The following ATRIP variants were observed in gnomAD, a reference collection of about 807,000 sequenced individuals.
ATRIP encodes the protein ATR-interacting protein.
ATRIP carries 44 observed loss-of-function variants against 78.1 expected under a neutral mutation model. That is an observed-to-expected ratio of 0.56 (90% CI 0.44 to 0.72). ATRIP has a LOEUF of 0.72. Ranked by LOEUF, ATRIP falls within the 30% of genes least tolerant of loss-of-function variation. The pLI is 0.00. For synonymous variants in ATRIP, 388 were observed against 408.9 expected (o/e 0.95, Z 0.62); for missense variants, 927 against 980.2 (o/e 0.95, Z 0.72).
At chr3:48,464,478 C>G in intron 10 of ATRIP, 104 bp from the exon 11 acceptor site, 1 of 1,283,502 alleles carries the variant, frequency 7.8e-7, no homozygotes, top group Non-Finnish European at 1.1e-6. Flanking sequence ...TTTGTGCAGA[C>G]AAACAGTTGC....
At position 48,460,396 on chromosome 3, in the gene ATRIP, G is replaced by T; in HGVS notation, c.1342G>T (p.Asp448Tyr). 6.2e-7 allele frequency: 1 copy of T among 1,613,556 alleles called. No homozygotes were observed. The highest frequency in any genetic ancestry group is 1.7e-4 in the Middle Eastern group (1 of 6,058). The change falls in exon 8 of 13, where the codon GAC becomes TAC. Residue 448 changes from aspartate to tyrosine, a missense_variant. Physicochemically the swap from Asp to Tyr is radical, Grantham distance 160. Coordinates refer to ENST00000320211, the MANE Select transcript of ATRIP (RefSeq NM_130384.3). ...AAAKRSGAPG[D>Y]SPTHSSCVSS... Reference sequence around the variant, plus strand: ...TGCTAAGAGAAGCGGAGCACCTGGGGACTCACCGACACATTCCTCCTGCGT... The same window carrying T: ...TGCTAAGAGAAGCGGAGCACCTGGGTACTCACCGACACATTCCTCCTGCGT...
chr3:48,465,152 T>C (rs2040242801), intron 12 of ATRIP, 69 bp downstream of exon 12: 9 of 1,553,040 alleles, frequency 5.8e-6, no homozygotes, highest in African/African-American at 1.4e-5. Context: ...ACAAGTCAGA[T>C]TCCTGGGTGT....
intron 3 of ATRIP, among the ~76,000 whole-genome samples, chr3:48,452,205 C>G (rs2107199438): frequency 6.6e-6 from 1 of 152,284 alleles, no homozygotes. Flanking sequence ...CTGGCTTAGG[C>G]TAAAAGGAAA....
Position 48,464,847 on chromosome 3 carries a change from CGG to C in ATRIP, c.2073_2074del (p.Val692AspfsTer57). On this transcript the variant is annotated frameshift_variant, in exon 12 of 13. Transcript: ENST00000320211. LOFTEE classifies it high-confidence loss of function. ...CTCTCTCAGGTGGTCAGAGCGCTCA[CGG>C]TGATGTTGCACAGACAGTGGCTGAC... 6 of 1,612,074 alleles carry C rather than the reference CGG, an allele frequency of 3.7e-6. No homozygotes were observed. Among genetic ancestry groups the C allele is most frequent in the Non-Finnish European group, 5.1e-6 (6 of 1,178,540 alleles).
chr3:48,454,932 G>A lies in ATRIP; in HGVS notation c.671+514G>A, dbSNP rs976419289. On this transcript the variant is annotated intron_variant, in intron 4 of 12. Coordinates refer to ENST00000320211, the MANE Select transcript of ATRIP (RefSeq NM_130384.3). ...GGCTGGAGTACAGTGGTACAATCTCGGCTCACTGCAACCTCCGCCTCCTGG... is the reference window on the plus strand; with the variant it reads ...GGCTGGAGTACAGTGGTACAATCTCAGCTCACTGCAACCTCCGCCTCCTGG... 4.0e-5 allele frequency among the ~76,000 whole-genome samples: 6 copies of A among 150,030 alleles called. No homozygotes were observed. In the Admixed American group the frequency reaches 4.0e-4, roughly 10 times the overall value.
rs374761739 is a variant in ATRIP, at chr3:48,464,927, C to T, written c.2152C>T (p.Arg718Cys). 9.3e-6 allele frequency: 15 copies of T among 1,614,036 alleles called. No homozygotes were observed. In the African/African-American group the frequency reaches 9.3e-5, roughly 10 times the overall value. Residue 718 changes from arginine to cysteine, a missense_variant, in exon 12 of 13, where the codon CGC becomes TGC. Physicochemically the swap from Arg to Cys is radical, Grantham distance 180. Transcript: ENST00000320211. ...GACCGACCAGCAGAGGCGGACAGTG[C>T]GCTGTCTGCGGGACACGGTGCTGCT... ...PRTDQQRRTV[R>C]CLRDTVLLLH...
chr3:48,463,805 C>T lies in ATRIP; in HGVS notation c.1806C>T (p.Ser602=), dbSNP rs769874343. Residue 602 remains serine (S), a synonymous_variant, in exon 9 of 13, where the codon AGC becomes AGT. Transcript: ENST00000320211. ...KCLSPETPLP[S]VLLAVELLSL... ...TCAGCCCAGAGACACCCCTGCCTAG[C>T]GTGCTGCTGGCTGTTGAGCTCCTCT... is the stretch of plus-strand genomic sequence containing the variant. 2.4e-5 allele frequency: 39 copies of T among 1,614,032 alleles called. No homozygotes were observed. The highest frequency in any genetic ancestry group is 3.3e-4 in the Middle Eastern group (2 of 6,084).
chr3:48,467,529 G>A lies in ATRIP; in HGVS notation c.*1975G>A, dbSNP rs1229622478. The A allele has an allele frequency of 6.2e-7, 1 of 1,613,672 alleles. No homozygotes were observed. ...CAGGGAGGGGCTGCTGGCCCCACTG[G>A]GTCTGCTGGCCATCCTGACCTTGGC... On this transcript the variant is annotated 3_prime_UTR_variant, in exon 13 of 13. Transcript: ENST00000320211.
rs1220526819 is a variant in ATRIP, at chr3:48,466,146, T to G, written c.*592T>G. 1 of 446,374 alleles carries G rather than the reference T, an allele frequency of 2.2e-6. No homozygotes were observed. The highest frequency in any genetic ancestry group is 2.0e-5 in the African/African-American group (1 of 50,090). The allele number at this position is 446,374 out of a possible 1,614,324, so 27.7% of individuals were successfully genotyped here. Reference sequence around the variant, plus strand: ...AGTGGGTGTGGGGGGGAACGGATGGTGGTGAGAGGGACAGACCAGGCAGGC... The same window carrying G: ...AGTGGGTGTGGGGGGGAACGGATGGGGGTGAGAGGGACAGACCAGGCAGGC... On this transcript the variant is annotated 3_prime_UTR_variant, in exon 13 of 13. Transcript: ENST00000320211.
In ATRIP at chr3:48,465,986, C is replaced by T. The variant is rs1283211085; in HGVS notation, c.*432C>T. ...AGGGGCTCCCAGCAGTGTGTAAGAC[C>T]GGGAGCTGGTCTGGCACCACTGCCC... On this transcript the variant is annotated 3_prime_UTR_variant, in exon 13 of 13. Coordinates refer to ENST00000320211, the MANE Select transcript of ATRIP (RefSeq NM_130384.3). 3.4e-5 allele frequency: 10 copies of T among 297,242 alleles called. No individual in the cohort carries two copies. Among genetic ancestry groups the T allele is most frequent in the South Asian group, 9.8e-5 (3 of 30,690 alleles). 18.4% of individuals were successfully genotyped at this position (297,242 alleles called of 1,614,324 possible).
At chr3:48,453,070 G>A (rs2039873482) in intron 3 of ATRIP, among the ~76,000 whole-genome samples, 1 of 151,962 alleles carries the variant, frequency 6.6e-6, no homozygotes. Flanking sequence ...TTTTGGTACA[G>A]ACAGGGTTTT....
chr3:48,451,863 A>G lies in ATRIP; in HGVS notation c.516A>G (p.Gln172=). The change falls in exon 3 of 13, where the codon CAA becomes CAG. Residue 172 remains glutamine (Q), a synonymous_variant. Transcript: ENST00000320211. The stretch of plus-strand genomic sequence containing the variant: ...TTCTTCTTGAGCAAGAGAAAACCCA[A>G]GCACTCAGTGACAAGGAAAAGGAAT... ...SHFLLEQEKT[Q]ALSDKEKEFS... The G allele has an allele frequency of 6.2e-7, 1 of 1,610,932 alleles. No individual in the cohort carries two copies. Among genetic ancestry groups the G allele is most frequent in the African/African-American group, 1.3e-5 (1 of 74,978 alleles).
rs544884737 is a variant in ATRIP, at chr3:48,465,841, G to C, written c.*287G>C. 2.9e-5 allele frequency: 11 copies of C among 376,308 alleles called. No individual in the cohort carries two copies. Among genetic ancestry groups the C allele is most frequent in the South Asian group, 2.8e-4 (11 of 38,878 alleles). The allele number at this position is 376,308 out of a possible 1,614,324, so 23.3% of individuals were successfully genotyped here. A position where few individuals can be genotyped will look rare whatever the true frequency, so the allele number is the denominator to read the frequency against. ...TGGAATTGTCCTGAGTCATTGCTTT[G>C]GGCTGGGGCCATGGGAAGAAACCAT... On this transcript the variant is annotated 3_prime_UTR_variant, in exon 13 of 13. Transcript: ENST00000320211.
chr3:48,450,569 G>C (rs2039808943), intron 2 of ATRIP: 1 of 1,262,862 alleles, frequency 7.9e-7, no homozygotes, highest in Non-Finnish European at 1.0e-6. Context: ...AATTTTAGTT[G>C]TGCAAGGTAT....
Position 48,467,217 on chromosome 3 carries a change from G to A in ATRIP, c.*1663G>A, listed in dbSNP as rs1228389634. On this transcript the variant is annotated 3_prime_UTR_variant, in exon 13 of 13. Transcript: ENST00000320211. ...AGGCAGCATCTACACTCGCCTGTATGGGCAGTCCCCTCCAGACTCGCACAC... is the reference window on the plus strand; with the variant it reads ...AGGCAGCATCTACACTCGCCTGTATAGGCAGTCCCCTCCAGACTCGCACAC... 2 of 1,613,892 alleles carry A rather than the reference G, an allele frequency of 1.2e-6. No homozygotes were observed. Among genetic ancestry groups the A allele is most frequent in the Non-Finnish European group, 8.5e-7 (1 of 1,179,986 alleles).
rs1457321745 is a variant in ATRIP at position 48,454,352 on chromosome 3, T to G, written c.605T>G (p.Leu202Ter). The G allele has an allele frequency of 6.2e-7, 1 of 1,613,738 alleles. No homozygotes were observed. Among genetic ancestry groups the G allele is most frequent in the Non-Finnish European group, 8.5e-7 (1 of 1,179,854 alleles). The change falls in exon 4 of 13, where the codon TTA becomes TGA. Residue 202 changes from leucine (L) to a stop codon, truncating the protein, a stop_gained. Coordinates refer to ENST00000320211, the MANE Select transcript of ATRIP (RefSeq NM_130384.3). LOFTEE classifies it high-confidence loss of function. ...LQFKDAEMNE[L>*]RTKLQTSERA... ...TTTAAAGATGCAGAGATGAATGAAT[T>G]AAGGACAAAGCTCCAGACCAGTGAA...
chr3:48,449,082 G>A (rs748933750), intron 1 of ATRIP, among the ~76,000 whole-genome samples: 1 of 152,154 alleles, frequency 6.6e-6, no homozygotes, highest in Non-Finnish European at 1.5e-5. Flanking sequence ...ATGAAGGATA[G>A]GGAAAGAATA....
intron 5 of ATRIP, among the ~76,000 whole-genome samples, chr3:48,458,862 G>A (rs1322762010): frequency 2.6e-5 from 4 of 152,122 alleles, no homozygotes; most frequent in African/African-American, 7.2e-5. Flanking sequence ...CAGCTAAAGG[G>A]GCAGTGTACA....
rs142814731 is a variant in ATRIP, at chr3:48,461,677, GT to G, written c.1745+887del. The stretch of plus-strand genomic sequence containing the variant: ...AGCAGGGGCCCAGCTCATAGTGGCT[GT>G]TTTTTTTTGTTGTTGTTTATTTGTT... On this transcript the variant is annotated intron_variant, in intron 8 of 12. Transcript: ENST00000320211. Among the ~76,000 whole-genome samples, 5 of 151,332 alleles carry G rather than the reference GT, an allele frequency of 3.3e-5. No homozygotes were observed. In the East Asian group the frequency reaches 5.8e-4, roughly 18 times the overall value.
Sources: gnomAD v4.1 joint callset for allele counts (sites outside exome capture counted in the v4.1 genomes callset) on GRCh38, gnomAD v4.1.1 for gene constraint, MANE v1.5 for transcripts, NCBI Gene and HGNC (gene_info 2026-07-23, HGNC 2026-07-21) for gene names.